KCNT2: variants seen among roughly 807,000 people sequenced by gnomAD.
KCNT2 encodes the protein potassium channel subfamily T member 2.
Under a neutral mutation model 153.8 loss-of-function variants are expected in KCNT2, and 67 were observed. That is an observed-to-expected ratio of 0.44 (90% CI 0.36 to 0.53). The LOEUF is 0.53. KCNT2 is among the 20% of genes least tolerant of loss of function. The pLI is 0.00. For missense variants in KCNT2, 975 were observed against 1,354.8 expected (o/e 0.72, Z 4.40); for synonymous variants, 500 against 458.8 (o/e 1.09, Z -1.15).
chr1:196,476,568 C>A (rs1355081780), intron 5 of KCNT2, among the ~76,000 whole-genome samples: 1 of 151,972 alleles, frequency 6.6e-6, no homozygotes, highest in Non-Finnish European at 1.5e-5. Flanking sequence ...GTGTGGCTCC[C>A]ATGTGAAAGC....
At chr1:196,567,437 G>A (rs923965320) in intron 1 of KCNT2, among the ~76,000 whole-genome samples, 1 of 152,144 alleles carries the variant, frequency 6.6e-6, no homozygotes, top group South Asian at 2.1e-4. Flanking sequence ...AGCAAGTGCT[G>A]TTGTCAGCAT....
At chr1:196,328,728 A>G (rs1342935267) in intron 18 of KCNT2, among the ~76,000 whole-genome samples, 1 of 151,996 alleles carries the variant, frequency 6.6e-6, no homozygotes, top group Admixed American at 6.6e-5. Context: ...AAAGGAAACC[A>G]TAATTAAAAG....
chr1:196,569,505 G>C (rs1039584931), intron 1 of KCNT2, among the ~76,000 whole-genome samples: 7 of 151,980 alleles, frequency 4.6e-5, no homozygotes, highest in African/African-American at 1.4e-4. Flanking sequence ...CTGATATTTG[G>C]TCACAACATT....
chr1:196,260,021 C>A (rs1489668400), intron 25 of KCNT2, among the ~76,000 whole-genome samples: 1 of 151,684 alleles, frequency 6.6e-6, no homozygotes, highest in Non-Finnish European at 1.5e-5. Context: ...ACAATAATAT[C>A]AATATGTATT....
chr1:196,340,078 T>C (rs1665469926), intron 16 of KCNT2, among the ~76,000 whole-genome samples: 1 of 152,032 alleles, frequency 6.6e-6, no homozygotes, highest in African/African-American at 2.4e-5. Flanking sequence ...CTCAAACTCC[T>C]GGCTCAAGCA....
chr1:196,397,402 T>G (rs1014586958), intron 13 of KCNT2, among the ~76,000 whole-genome samples: 3 of 151,532 alleles, frequency 2.0e-5, no homozygotes, highest in Non-Finnish European at 4.4e-5. Context: ...TTCACATATA[T>G]TTTTCCATTT....
intron 26 of KCNT2, among the ~76,000 whole-genome samples, chr1:196,240,603 G>A (rs1457567376): frequency 6.6e-6 from 1 of 152,008 alleles, no homozygotes. Flanking sequence ...ACAGATAGAA[G>A]GGCAAATGGC....
chr1:196,586,761 T>C (rs1334898441), intron 1 of KCNT2, among the ~76,000 whole-genome samples: 1 of 152,052 alleles, frequency 6.6e-6, no homozygotes, highest in Non-Finnish European at 1.5e-5. Flanking sequence ...ATTTACAATC[T>C]CTTCCACCAT....
intron 26 of KCNT2, among the ~76,000 whole-genome samples, chr1:196,242,799 T>C (rs1386818387): frequency 6.6e-6 from 1 of 152,164 alleles, no homozygotes; most frequent in Non-Finnish European, 1.5e-5. Flanking sequence ...TCAGAATAAG[T>C]GTCAGGAATC....
rs1459674533 is a variant in KCNT2, at chr1:196,227,526, T to C, written c.*698A>G. ...ATAGTATGCTTTTCTTGGCATAAAA[T>C]ATTTGCTAGACATAAAGTTACCAAA... On this transcript the variant is annotated 3_prime_UTR_variant, in exon 28 of 28. Transcript: ENST00000294725. 1 of 152,170 alleles carries C rather than the reference T, an allele frequency of 6.6e-6. No individual in the cohort carries two copies. The highest frequency in any genetic ancestry group is 1.5e-5 in the Non-Finnish European group (1 of 67,946). The allele number at this position is 152,170 out of a possible 1,614,324, so 9.4% of individuals were successfully genotyped here. A position where few individuals can be genotyped will look rare whatever the true frequency, so the allele number is the denominator to read the frequency against.
At chr1:196,470,303 T>C (rs970304332) in intron 5 of KCNT2, among the ~76,000 whole-genome samples, 1 of 151,986 alleles carries the variant, frequency 6.6e-6, no homozygotes. Context: ...CTTTTTAAAC[T>C]GAAGAGATCA....
At chr1:196,257,301 T>C in intron 26 of KCNT2, 1 of 982,690 alleles carries the variant, frequency 1.0e-6, no homozygotes, top group Non-Finnish European at 1.2e-6. Context: ...AGGCAACTTC[T>C]CTTAAACTCT....
chr1:196,278,875 T>C (rs1658826107), intron 25 of KCNT2, among the ~76,000 whole-genome samples: 1 of 152,176 alleles, frequency 6.6e-6, no homozygotes, highest in South Asian at 2.1e-4. Context: ...TAATCCTCAA[T>C]GTTGATGATA....
chr1:196,508,189 CAAAAAAAAAAAAAA>C (rs10539910), intron 1 of KCNT2, among the ~76,000 whole-genome samples: 1 of 59,978 alleles, frequency 1.7e-5, no homozygotes, highest in Non-Finnish European at 3.0e-5. Context: ...CCCTAAGTAG[CAAAAAAAAAAAAAA>C]AAAAAAAAAA....
chr1:196,315,743 G>A (rs1662648373), intron 21 of KCNT2, 149 bp downstream of exon 21: 1 of 671,482 alleles, frequency 1.5e-6, no homozygotes, highest in East Asian at 3.0e-5. Flanking sequence ...TGCCAGTCAT[G>A]CTCAATAAAC....
At chr1:196,481,858 T>C (rs1327987084) in intron 4 of KCNT2, among the ~76,000 whole-genome samples, 1 of 152,192 alleles carries the variant, frequency 6.6e-6, no homozygotes, top group Admixed American at 6.5e-5. Context: ...ACATGATTAA[T>C]TGCTTAGGAA....
chr1:196,515,859 GGTGA>G (rs1358845273), intron 1 of KCNT2, among the ~76,000 whole-genome samples: 2 of 152,094 alleles, frequency 1.3e-5, no homozygotes, highest in African/African-American at 4.8e-5. Context: ...CCAGGGAAGT[GGTGA>G]GTAAGTGAGT....
At chr1:196,233,233 C>T (rs1287304797) in intron 27 of KCNT2, among the ~76,000 whole-genome samples, 2 of 151,458 alleles carry the variant, frequency 1.3e-5, no homozygotes, top group Admixed American at 6.6e-5. Context: ...AAGAATTCTA[C>T]TAGCTTAAAT....
At chr1:196,430,229 C>T (rs960334960) in intron 8 of KCNT2, among the ~76,000 whole-genome samples, 2 of 151,824 alleles carry the variant, frequency 1.3e-5, no homozygotes, top group Non-Finnish European at 2.9e-5. Context: ...GGTTTGAATG[C>T]TGTCCCCTCC....
Sources: gnomAD v4.1 joint callset for allele counts (sites outside exome capture counted in the v4.1 genomes callset) on GRCh38, gnomAD v4.1.1 for gene constraint, MANE v1.5 for transcripts, NCBI Gene and HGNC (gene_info 2026-07-23, HGNC 2026-07-21) for gene names.